The following ECSCR variants were observed in gnomAD, a reference collection of about 807,000 sequenced individuals.
ECSCR encodes the protein endothelial cell surface expressed chemotaxis and apoptosis regulator.
Under a neutral mutation model 16.7 loss-of-function variants are expected in ECSCR, and 12 were observed. The ratio of observed to expected loss-of-function variants is 0.72; its 90% confidence interval spans 0.46 to 1.17. The LOEUF is 1.17. Ranked by LOEUF, ECSCR falls within the 50% of genes most tolerant of loss-of-function variation. ECSCR has a pLI of 0.00. For synonymous variants in ECSCR, 44 were observed against 42.2 expected, an observed-to-expected ratio of 1.04 and a Z score of -0.17; for missense variants, 122 against 116.1, an observed-to-expected ratio of 1.05 and a Z score of -0.23.
At chr5:139,452,459 ATG>A (rs1272771820) in intron 8 of ECSCR, among the ~76,000 whole-genome samples, 1 of 34,258 alleles carries the variant, frequency 2.9e-5, no homozygotes, top group African/African-American at 1.2e-4. Context: ...GTAGGTGGGT[ATG>A]TGTGTGTAGT....
chr5:139,450,378 C>T (rs1338815867), intron 8 of ECSCR, among the ~76,000 whole-genome samples: 4 of 151,746 alleles, frequency 2.6e-5, no homozygotes, highest in Non-Finnish European at 5.9e-5. Context: ...GTGGCACATG[C>T]CTGTAGTCCC....
In ECSCR at chr5:139,458,044, C is replaced by T. The variant is rs1212237585; in HGVS notation, c.106+95G>A. On this transcript the variant is annotated intron_variant, in intron 2 of 9. Transcript: ENST00000618155. Reference sequence around the variant, plus strand: ...TCCCGCTCCAGCTGCGGCCCCAGCCCCCTGAGGTTAAGGCTAAATTGGCAT... The same window carrying T: ...TCCCGCTCCAGCTGCGGCCCCAGCCTCCTGAGGTTAAGGCTAAATTGGCAT... The T allele has an allele frequency of 2.2e-6, 3 of 1,383,010 alleles. No individual in the cohort carries two copies. In the African/African-American group the frequency reaches 4.3e-5, roughly 20 times the overall value. The allele number at this position is 1,383,010 out of a possible 1,614,324, so 85.7% of individuals were successfully genotyped here.
intron 5 of ECSCR, among the ~76,000 whole-genome samples, chr5:139,455,780 C>T (rs1751143566): frequency 7.3e-6 from 1 of 137,502 alleles, no homozygotes; most frequent in Non-Finnish European, 1.5e-5. Context: ...AGTTTGAGAC[C>T]AGCCTGACCA....
intron 4 of ECSCR, among the ~76,000 whole-genome samples, chr5:139,456,953 A>G (rs1250784323): frequency 1.3e-5 from 2 of 152,168 alleles, no homozygotes; most frequent in Non-Finnish European, 2.9e-5. Flanking sequence ...GTTAGGCCCA[A>G]CCAGGTCGGG....
intron 8 of ECSCR, among the ~76,000 whole-genome samples, chr5:139,454,062 T>C (rs1751102419): frequency 1.4e-5 from 2 of 140,572 alleles, no homozygotes; most frequent in South Asian, 4.6e-4. Context: ...GTGTGTGTAG[T>C]GGGGTGTGTG....
chr5:139,454,322 G>T (rs1406289044), intron 8 of ECSCR, among the ~76,000 whole-genome samples: 2 of 147,422 alleles, frequency 1.4e-5, no homozygotes, highest in Non-Finnish European at 3.0e-5. Flanking sequence ...ATAATATGGG[G>T]GTTGTGTGTG....
chr5:139,461,911 C>T (rs1751313657), intron 1 of ECSCR, among the ~76,000 whole-genome samples: 1 of 152,130 alleles, frequency 6.6e-6, no homozygotes, highest in Non-Finnish European at 1.5e-5. Flanking sequence ...GCCCTGGACT[C>T]GTCATGATTC....
In ECSCR at chr5:139,458,861, G is replaced by A. The variant is rs199840224; in HGVS notation, c.62-678C>T. Among the ~76,000 whole-genome samples, 294 of 148,044 alleles carry A rather than the reference G, an allele frequency of 2.0e-3. 2 individuals carry two copies. The highest frequency in any genetic ancestry group is 6.1e-3 in the African/African-American group (243 of 39,952). ...ACTCTGTCTCAAAAAAAAAAAAAAA[G>A]AAAAGAAAACAGAAAAAAACGTTTT... On this transcript the variant is annotated intron_variant, in intron 1 of 9. Transcript: ENST00000618155.
intron 1 of ECSCR, 109 bp from the exon 2 acceptor site, chr5:139,458,292 C>A (rs1268280364): frequency 9.4e-7 from 1 of 1,058,636 alleles, no homozygotes; most frequent in South Asian, 1.5e-5. Context: ...CATAGCAAGA[C>A]CCTGTCTCTA....
At chr5:139,452,230 G>A (rs1751070426) in intron 8 of ECSCR, among the ~76,000 whole-genome samples, 3 of 129,118 alleles carry the variant, frequency 2.3e-5, no homozygotes, top group Admixed American at 8.3e-5. Flanking sequence ...GTGTAGGGGT[G>A]TGTGTGTATG....
intron 1 of ECSCR, among the ~76,000 whole-genome samples, chr5:139,459,181 T>C (rs1368698156): frequency 6.6e-6 from 1 of 152,194 alleles, no homozygotes; most frequent in East Asian, 1.9e-4. Context: ...TCCAGGTCTC[T>C]AGGCTAATGT....
chr5:139,457,626 G>A (rs1751187458), intron 3 of ECSCR, 22 bp from the exon 4 acceptor site: 1 of 985,364 alleles, frequency 1.0e-6, no homozygotes, highest in Non-Finnish European at 1.7e-6. Flanking sequence ...GAGGCAGATA[G>A]GGAGTGGGAG....
intron 5 of ECSCR, among the ~76,000 whole-genome samples, 166 bp downstream of exon 5, chr5:139,456,308 C>T (rs1477944162): frequency 6.6e-6 from 1 of 152,156 alleles, no homozygotes; most frequent in Non-Finnish European, 1.5e-5. Flanking sequence ...CTTCTCAACC[C>T]ATTGTACTTC....
Position 139,449,222 on chromosome 5 carries a change from A to G in ECSCR, c.513-48T>C, listed in dbSNP as rs1750975387. 4 of 1,370,980 alleles carry G rather than the reference A, an allele frequency of 2.9e-6. No individual in the cohort carries two copies. The South Asian group carries it at 5.0e-5, about 17-fold the overall frequency. 84.9% of individuals were successfully genotyped at this position (1,370,980 alleles called of 1,614,324 possible). ...GTTAAAGAGAGGAGGAGGGCAGGGC[A>G]ATGGGGAGTCAAGGAACTGTGAGGT... On this transcript the variant is annotated intron_variant, in intron 8 of 9. Transcript: ENST00000618155.
chr5:139,457,116 G>A (rs2152089434), intron 4 of ECSCR, among the ~76,000 whole-genome samples: 1 of 152,354 alleles, frequency 6.6e-6, no homozygotes, highest in African/African-American at 2.4e-5. Flanking sequence ...GGGCTCTTCA[G>A]TCCAAAATCT....
At chr5:139,449,598 C>T (rs905430572) in intron 8 of ECSCR, among the ~76,000 whole-genome samples, 4 of 152,170 alleles carry the variant, frequency 2.6e-5, no homozygotes, top group Admixed American at 6.5e-5. Context: ...CTTGGCCTCC[C>T]GAAGTGCTGG....
chr5:139,457,777 T>C lies in ECSCR; in HGVS notation c.137A>G (p.Glu46Gly). ...GGLGGLSLTT[E>G]PVSSNPGYIP... is the part of the protein sequence containing the mutation. ...CTCACCTGGGTTGGAAGAAACTGGC[T>C]CTGTGGTCAGACTTAGACCGCCAAG... is the stretch of plus-strand genomic sequence containing the variant. Residue 46 changes from glutamate (E) to glycine (G), a missense_variant, in exon 3 of 10, where the codon GAG becomes GGG. By Grantham distance (98) the Glu-to-Gly change is moderately conservative. Transcript: ENST00000618155. 2.5e-6 allele frequency: 4 copies of C among 1,612,356 alleles called. No homozygotes were observed. Among genetic ancestry groups the C allele is most frequent in the Non-Finnish European group, 3.4e-6 (4 of 1,179,194 alleles).
At chr5:139,453,671 G>A (rs1280914345) in intron 8 of ECSCR, among the ~76,000 whole-genome samples, 1 of 77,310 alleles carries the variant, frequency 1.3e-5, no homozygotes, top group Non-Finnish European at 2.6e-5. Flanking sequence ...TGTGGGGCAT[G>A]TGTATAGTAT....
At chr5:139,457,893 C>A in intron 2 of ECSCR, 86 bp from the exon 3 acceptor site, 1 of 1,423,792 alleles carries the variant, frequency 7.0e-7, no homozygotes, top group African/African-American at 1.4e-5. Context: ...GTGTGTCTTT[C>A]TCCCTACCCC....
Sources: gnomAD v4.1 joint callset for allele counts (sites outside exome capture counted in the v4.1 genomes callset) on GRCh38, gnomAD v4.1.1 for gene constraint, MANE v1.5 for transcripts, NCBI Gene and HGNC (gene_info 2026-07-23, HGNC 2026-07-21) for gene names.